DOCK4: variants seen among roughly 807,000 people sequenced by gnomAD.
DOCK4 encodes dedicator of cytokinesis protein 4.
In DOCK4, 97 loss-of-function variants were observed where a neutral mutation model predicts 268.1. That is an observed-to-expected ratio of 0.36 (90% confidence interval 0.31 to 0.43). The LOEUF (loss-of-function observed/expected upper bound fraction) is 0.43, where lower values mean the gene tolerates loss of function less well. Among genes scored for constraint, DOCK4 ranks in the 20% least tolerant of loss-of-function variants. The pLI is 1.00. For missense variants in DOCK4, 2,145 were observed against 2,455.7 expected (o/e 0.87, Z 2.67); for synonymous variants, 954 against 887.2 (o/e 1.08, Z -1.34).
At chr7:111,970,859 T>C (rs946295013) in intron 8 of DOCK4, among the ~76,000 whole-genome samples, 1 of 152,164 alleles carries the variant, frequency 6.6e-6, no homozygotes, top group African/African-American at 2.4e-5. Context: ...CTTTAGTCAC[T>C]GTGAGAGGTG....
chr7:111,960,274 G>A (rs1295608735), intron 8 of DOCK4, among the ~76,000 whole-genome samples: 1 of 150,804 alleles, frequency 6.6e-6, no homozygotes, highest in African/African-American at 2.4e-5. Flanking sequence ...TGAGGCAGGA[G>A]AATCGCTTGA....
At chr7:112,005,015 G>A (rs1800740891) in intron 1 of DOCK4, among the ~76,000 whole-genome samples, 1 of 151,994 alleles carries the variant, frequency 6.6e-6, no homozygotes, top group Non-Finnish European at 1.5e-5. Context: ...TCAGAAAGGA[G>A]GCAAATATGG....
At chr7:111,872,118 A>T (rs1806479339) in intron 19 of DOCK4, 28 bp from the exon 20 acceptor site, 2 of 1,497,584 alleles carry the variant, frequency 1.3e-6, no homozygotes, top group East Asian at 4.9e-5. Flanking sequence ...AGCTTTATAA[A>T]ACTAAATGCA....
chr7:111,989,730 C>A (rs1379336007), intron 5 of DOCK4, among the ~76,000 whole-genome samples: 7 of 152,184 alleles, frequency 4.6e-5, no homozygotes, highest in Admixed American at 4.6e-4. Context: ...ATGCTTTCTT[C>A]CTTACTTTTA....
intron 1 of DOCK4, among the ~76,000 whole-genome samples, chr7:112,159,370 C>T (rs1020673646): frequency 9.9e-5 from 15 of 152,076 alleles, no homozygotes; most frequent in African/African-American, 3.1e-4. Flanking sequence ...CTCCCTGGTG[C>T]GTGTCCACCA....
intron 1 of DOCK4, among the ~76,000 whole-genome samples, chr7:112,026,000 C>T (rs1802754456): frequency 6.6e-6 from 1 of 152,212 alleles, no homozygotes; most frequent in Non-Finnish European, 1.5e-5. Flanking sequence ...GCACTTGCCT[C>T]TCTATCTGCA....
chr7:111,961,085 G>A (rs539194867), intron 8 of DOCK4, among the ~76,000 whole-genome samples: 2 of 152,082 alleles, frequency 1.3e-5, no homozygotes, highest in Admixed American at 6.5e-5. Flanking sequence ...TTTGCTCCAC[G>A]TCTGCTTGCC....
intron 1 of DOCK4, among the ~76,000 whole-genome samples, chr7:112,085,204 C>T (rs555089480): frequency 6.6e-6 from 1 of 152,168 alleles, no homozygotes; most frequent in African/African-American, 2.4e-5. Flanking sequence ...CTCAGTCCCA[C>T]AATATTTGCT....
chr7:111,971,746 G>T, intron 8 of DOCK4: 1 of 306,134 alleles, frequency 3.3e-6, no homozygotes, highest in Non-Finnish European at 5.9e-6. Context: ...CTGTTTGGTG[G>T]TCCAAGGCCT....
chr7:112,013,993 T>A (rs780126299), intron 1 of DOCK4, among the ~76,000 whole-genome samples: 1 of 152,198 alleles, frequency 6.6e-6, no homozygotes, highest in Admixed American at 6.5e-5. Context: ...TCAACAAGTG[T>A]CAGTTAAATA....
intron 1 of DOCK4, among the ~76,000 whole-genome samples, chr7:112,190,980 A>G (rs1426718115): frequency 6.6e-6 from 1 of 152,218 alleles, no homozygotes; most frequent in Non-Finnish European, 1.5e-5. Context: ...CACAAGCCTC[A>G]GAGCTCAGGG....
At chr7:111,801,892 G>A (rs1040603522) in intron 30 of DOCK4, among the ~76,000 whole-genome samples, 5 of 146,906 alleles carry the variant, frequency 3.4e-5, no homozygotes, top group Non-Finnish European at 4.5e-5. Context: ...TAGTAGAGAC[G>A]GGGTTTCACC....
intron 13 of DOCK4, among the ~76,000 whole-genome samples, chr7:111,909,833 C>T (rs1051311738): frequency 1.3e-5 from 2 of 151,838 alleles, no homozygotes; most frequent in South Asian, 2.1e-4. Flanking sequence ...TGGTGACACA[C>T]CTGCTGTGGT....
Position 111,790,556 on chromosome 7 carries a change from T to C in DOCK4, c.3216A>G (p.Glu1072=). The C allele has an allele frequency of 6.2e-7, 1 of 1,613,898 alleles. No homozygotes were observed. The highest frequency in any genetic ancestry group is 8.5e-7 in the Non-Finnish European group (1 of 1,179,838). Reference sequence around the variant, plus strand: ...GATCTGGCTGGGGTATCAAGGTCACTTCTAGGAAGGGGCCAATCAGGGCAG... The same window carrying C: ...GATCTGGCTGGGGTATCAAGGTCACCTCTAGGAAGGGGCCAATCAGGGCAG... ...FIPALIGPFL[E]VTLIPQPDLR... is the part of the protein sequence containing the mutation. The change falls in exon 31 of 53, where the codon GAA becomes GAG. Residue 1072 remains glutamate (E), a synonymous_variant. Transcript: ENST00000428084.
rs1166982968 is a variant in DOCK4 at position 111,976,140 on chromosome 7, CAAAAAAA to C, written c.701+985_701+991del. The stretch of plus-strand genomic sequence containing the variant: ...TGGGTGACAGAGCAAGACTCCATCT[CAAAAAAA>C]AAAAAAAAAAAAAAATATATATATA... On this transcript the variant is annotated intron_variant, in intron 8 of 52. Coordinates refer to ENST00000428084, the MANE Select transcript of DOCK4 (RefSeq NM_001363540.2). Among the ~76,000 whole-genome samples, 94 of 28,896 alleles carry C rather than the reference CAAAAAAA, an allele frequency of 3.3e-3. 2 individuals carry two copies. Among genetic ancestry groups the C allele is most frequent in the East Asian group, 0.017 (13 of 762 alleles). 19.0% of individuals were successfully genotyped at this position (28,896 alleles called of 152,430 possible).
intron 16 of DOCK4, among the ~76,000 whole-genome samples, chr7:111,884,783 GTGCTAGAAATCA>G (rs1389100514): frequency 1.3e-5 from 2 of 152,150 alleles, no homozygotes; most frequent in Non-Finnish European, 2.9e-5. Context: ...CACAACAAAT[GTGCTAGAAATCA>G]TTCACTCTTT....
At chr7:111,732,198 T>C (rs1563421201) in intron 52 of DOCK4, 28 bp downstream of exon 52, 3 of 1,611,918 alleles carry the variant, frequency 1.9e-6, no homozygotes, top group Non-Finnish European at 1.7e-6. Flanking sequence ...GGCCAGTCTC[T>C]AGCCTCAGTC....
intron 1 of DOCK4, among the ~76,000 whole-genome samples, chr7:112,015,165 C>A (rs191138760): frequency 6.6e-6 from 1 of 152,146 alleles, no homozygotes; most frequent in Admixed American, 6.5e-5. Flanking sequence ...AAGATGGCAA[C>A]GAAACTGACC....
chr7:111,941,386 C>A (rs1346036491), intron 10 of DOCK4, among the ~76,000 whole-genome samples: 1 of 152,032 alleles, frequency 6.6e-6, no homozygotes, highest in East Asian at 1.9e-4. Flanking sequence ...CTTTTACTTA[C>A]ACAACTGATT....
Sources: allele counts gnomAD v4.1 joint callset (sites outside exome capture counted in the v4.1 genomes callset), GRCh38; gene constraint gnomAD v4.1.1; transcripts MANE v1.5; gene names NCBI Gene and HGNC (gene_info 2026-07-23, HGNC 2026-07-21).